ARID1B: variants seen among roughly 807,000 people sequenced by gnomAD.
ARID1B encodes the protein AT-rich interaction domain 1B.
Under a neutral mutation model 212.3 loss-of-function variants are expected in ARID1B, and 30 were observed. The ratio of observed to expected loss-of-function variants is 0.14; its 90% confidence interval spans 0.11 to 0.19. The LOEUF (loss-of-function observed/expected upper bound fraction) is 0.19, where lower values mean the gene tolerates loss of function less well. ARID1B is among the 10% of genes least tolerant of loss of function. The pLI is 1.00. For synonymous variants in ARID1B, 1,402 were observed against 1,301.7 expected, an observed-to-expected ratio of 1.08 and a Z score of -1.66; for missense variants, 2,891 against 3,204.0, an observed-to-expected ratio of 0.90 and a Z score of 2.36.
chr6:157,131,644 G>A (rs919298101), intron 6 of ARID1B, among the ~76,000 whole-genome samples: 4 of 152,162 alleles, frequency 2.6e-5, no homozygotes, highest in African/African-American at 7.2e-5. Flanking sequence ...ACAGGGTCAC[G>A]TGTGCATTTT....
chr6:157,008,885 A>C (rs1019829846), intron 4 of ARID1B, among the ~76,000 whole-genome samples: 1 of 152,160 alleles, frequency 6.6e-6, no homozygotes. Context: ...TGACGCTAGC[A>C]CACCCACCTT....
intron 2 of ARID1B, among the ~76,000 whole-genome samples, chr6:156,840,215 C>T (rs1326451484): frequency 6.6e-6 from 1 of 152,196 alleles, no homozygotes; most frequent in African/African-American, 2.4e-5. Flanking sequence ...TTCATCTGTT[C>T]TGACCTTTGC....
At chr6:156,963,134 C>G (rs183027681) in intron 4 of ARID1B, among the ~76,000 whole-genome samples, 1 of 152,236 alleles carries the variant, frequency 6.6e-6, no homozygotes, top group Non-Finnish European at 1.5e-5. Context: ...TTGGTAGGTT[C>G]TGTTTGTTTT....
At chr6:157,137,054 A>C (rs1049366509) in intron 7 of ARID1B, among the ~76,000 whole-genome samples, 1 of 151,722 alleles carries the variant, frequency 6.6e-6, no homozygotes, top group Non-Finnish European at 1.5e-5. Flanking sequence ...GATGGCACAC[A>C]CATGTAGTCC....
chr6:157,199,757 G>T (rs1793975329), intron 17 of ARID1B, among the ~76,000 whole-genome samples: 2 of 151,806 alleles, frequency 1.3e-5, no homozygotes, highest in African/African-American at 4.8e-5. Context: ...TCTGCCTCCT[G>T]GGCTCAAGCG....
At chr6:156,894,311 G>GGTTGGGATGGGGGCCGGGGT (rs1788213808) in intron 2 of ARID1B, among the ~76,000 whole-genome samples, 1 of 135,434 alleles carries the variant, frequency 7.4e-6, no homozygotes, top group Non-Finnish European at 1.6e-5. Context: ...GGGGCCGGGG[G>GGTTGGGATGGGGGCCGGGGT]TTGGGATGGG....
chr6:156,868,526 C>A (rs760109456), intron 2 of ARID1B, among the ~76,000 whole-genome samples: 3 of 152,174 alleles, frequency 2.0e-5, no homozygotes, highest in Non-Finnish European at 4.4e-5. Flanking sequence ...GAGTGTCTGG[C>A]GAGGGCCTGT....
In ARID1B at chr6:157,131,471, G is replaced by A. The variant is rs144810825; in HGVS notation, c.2582-1557G>A. On this transcript the variant is annotated intron_variant, in intron 6 of 19. Transcript: ENST00000636930. ...GCAGTGTGGAGAGCAGATCGTGGGC[G>A]AGCCGGGAGGAGGGAACGGGGGAGA... Among the ~76,000 whole-genome samples the A allele has an allele frequency of 7.6e-4, 115 of 152,244 alleles. 1 individual carries two copies. The highest frequency in any genetic ancestry group is 9.1e-4 in the Non-Finnish European group (62 of 68,020).
At chr6:157,063,595 C>G (rs1003303840) in intron 4 of ARID1B, among the ~76,000 whole-genome samples, 1 of 152,218 alleles carries the variant, frequency 6.6e-6, no homozygotes, top group East Asian at 1.9e-4. Context: ...ATGTTAACTT[C>G]TCAGGCACAT....
intron 2 of ARID1B, among the ~76,000 whole-genome samples, chr6:156,832,474 A>G (rs893722864): frequency 1.3e-5 from 2 of 152,244 alleles, no homozygotes; most frequent in African/African-American, 4.8e-5. Context: ...TGGCTTCCAG[A>G]ACGTTCTGTG....
intron 4 of ARID1B, among the ~76,000 whole-genome samples, chr6:156,980,426 T>A (rs751518588): frequency 2.0e-5 from 3 of 152,006 alleles, no homozygotes; most frequent in Non-Finnish European, 4.4e-5. Context: ...GAGGTAGCAG[T>A]GAGCCGAGAT....
chr6:156,935,162 A>G (rs915837783), intron 3 of ARID1B, among the ~76,000 whole-genome samples: 3 of 151,530 alleles, frequency 2.0e-5, no homozygotes, highest in Admixed American at 6.6e-5. Context: ...GGTGCAGTCA[A>G]AGTTCACTGC....
At position 157,208,733 on chromosome 6, in the gene ARID1B, TA is replaced by T. The variant is rs1370532547; in HGVS notation, c.*843del. Reference sequence around the variant, plus strand: ...TTCTTTTCTTTTTTTTTTTTTTTTTTAGTACAAAGTTTTAGTTTCTTTTTCA... The same window carrying T: ...TTCTTTTCTTTTTTTTTTTTTTTTTTGTACAAAGTTTTAGTTTCTTTTTCA... On this transcript the variant is annotated 3_prime_UTR_variant, in exon 20 of 20. Coordinates refer to ENST00000636930, the MANE Select transcript of ARID1B (RefSeq NM_001374828.1). 8.9e-6 allele frequency: 2 copies of T among 224,438 alleles called. No homozygotes were observed. Among genetic ancestry groups the T allele is most frequent in the Non-Finnish European group, 8.8e-6 (1 of 113,750 alleles). 13.9% of individuals were successfully genotyped at this position (224,438 alleles called of 1,614,324 possible). A position where few individuals can be genotyped will look rare whatever the true frequency, so the allele number is the denominator to read the frequency against.
At chr6:157,060,876 C>T (rs916087695) in intron 4 of ARID1B, among the ~76,000 whole-genome samples, 1 of 152,068 alleles carries the variant, frequency 6.6e-6, no homozygotes, top group Non-Finnish European at 1.5e-5. Context: ...TAATTTTGCC[C>T]CATCTGTGGT....
At chr6:156,846,709 G>A (rs1784258402) in intron 2 of ARID1B, among the ~76,000 whole-genome samples, 1 of 152,176 alleles carries the variant, frequency 6.6e-6, no homozygotes, top group South Asian at 2.1e-4. Flanking sequence ...GGACGGGCCT[G>A]TTACGTGTTT....
chr6:156,799,771 C>T (rs1488521312), intron 1 of ARID1B, among the ~76,000 whole-genome samples: 1 of 152,220 alleles, frequency 6.6e-6, no homozygotes, highest in Non-Finnish European at 1.5e-5. Flanking sequence ...AGCCACCACA[C>T]CCGGCCTCAA....
chr6:157,060,794 A>G (rs983216728), intron 4 of ARID1B, among the ~76,000 whole-genome samples: 5 of 151,808 alleles, frequency 3.3e-5, no homozygotes, highest in African/African-American at 9.7e-5. Context: ...ACCCCCTGCT[A>G]TTTTTTCCTT....
At chr6:156,926,761 C>A (rs1316991460) in intron 3 of ARID1B, among the ~76,000 whole-genome samples, 1 of 152,170 alleles carries the variant, frequency 6.6e-6, no homozygotes, top group Non-Finnish European at 1.5e-5. Flanking sequence ...CGGCTCACTG[C>A]AACTTCGCCT....
At chr6:156,823,172 C>T (rs1403500120) in intron 1 of ARID1B, among the ~76,000 whole-genome samples, 4 of 152,030 alleles carry the variant, frequency 2.6e-5, no homozygotes, top group African/African-American at 9.7e-5. Flanking sequence ...TGGTGTGTTA[C>T]GGCCGGGCCA....
Sources: allele counts gnomAD v4.1 joint callset (sites outside exome capture counted in the v4.1 genomes callset), GRCh38; gene constraint gnomAD v4.1.1; transcripts MANE v1.5; gene names NCBI Gene and HGNC (gene_info 2026-07-23, HGNC 2026-07-21).